PRKN: variants seen among roughly 807,000 people sequenced by gnomAD.
PRKN encodes parkin RBR E3 ubiquitin protein ligase, also known as E3 ubiquitin-protein ligase parkin.
In PRKN, 56 loss-of-function variants were observed where a neutral mutation model predicts 59.5. That is an observed-to-expected ratio of 0.94 (90% CI 0.76 to 1.18). The LOEUF is 1.18. Among genes scored for constraint, PRKN ranks in the 50% most tolerant of loss-of-function variants. The probability of loss-of-function intolerance (pLI) is 0.00; values close to 1 mark genes in which losing one functional copy is unlikely to be tolerated. For synonymous variants in PRKN, 250 were observed against 222.1 expected (o/e 1.13, Z -1.12); for missense variants, 657 against 596.4 (o/e 1.10, Z -1.06).
At chr6:162,101,267 T>C (rs1015448091) in intron 4 of PRKN, among the ~76,000 whole-genome samples, 1 of 151,628 alleles carries the variant, frequency 6.6e-6, no homozygotes, top group Non-Finnish European at 1.5e-5. Flanking sequence ...TGAGGTCAGA[T>C]AAGGGTCTCA....
At chr6:162,505,307 C>T (rs1793561934) in intron 1 of PRKN, among the ~76,000 whole-genome samples, 1 of 152,076 alleles carries the variant, frequency 6.6e-6, no homozygotes, top group Non-Finnish European at 1.5e-5. Context: ...ATCAACAGGA[C>T]AATGATTACA....
chr6:161,454,590 T>C lies in PRKN; in HGVS notation c.1084-67713A>G, dbSNP rs6927578. On this transcript the variant is annotated intron_variant, in intron 9 of 11. Coordinates refer to ENST00000366898, the MANE Select transcript of PRKN (RefSeq NM_004562.3). The surrounding 1 kb of genome is among the most constrained non-coding windows in gnomAD (Gnocchi z 4.6). ...TCTGGGGTTTTGAAACTGTTAGTTC[T>C]TGGAGCAAGCCCAAGTTTATTTTGG... Among the ~76,000 whole-genome samples, 23,017 of 152,120 alleles carry C rather than the reference T, an allele frequency of 0.15. 2,365 individuals are homozygous for C. The highest frequency in any genetic ancestry group is 0.28 in the African/African-American group (11,731 of 41,444).
chr6:161,887,536 T>C (rs2128231168), intron 6 of PRKN, among the ~76,000 whole-genome samples: 1 of 152,312 alleles, frequency 6.6e-6, no homozygotes, highest in East Asian at 1.9e-4. Context: ...TTTCAGCAAG[T>C]TAGTGAAACT....
chr6:161,784,815 C>T (rs1259059096), intron 7 of PRKN, among the ~76,000 whole-genome samples: 4 of 152,046 alleles, frequency 2.6e-5, no homozygotes, highest in Non-Finnish European at 5.9e-5. Context: ...TGAATGTTTA[C>T]AACGGCATTA....
chr6:161,965,018 C>G (rs972695041), intron 6 of PRKN, among the ~76,000 whole-genome samples: 3 of 152,036 alleles, frequency 2.0e-5, no homozygotes, highest in Admixed American at 6.5e-5. Flanking sequence ...GGAATTGTAA[C>G]TAAGATCTCC....
chr6:161,573,674 G>C (rs1350684062), intron 7 of PRKN, among the ~76,000 whole-genome samples: 45 of 135,010 alleles, frequency 3.3e-4, no homozygotes, highest in Admixed American at 1.0e-3. Flanking sequence ...GAGCCGAGAT[G>C]GCGCCACTGC....
At chr6:162,212,128 C>G (rs1298952396) in intron 3 of PRKN, among the ~76,000 whole-genome samples, 1 of 152,040 alleles carries the variant, frequency 6.6e-6, no homozygotes, top group Non-Finnish European at 1.5e-5. Flanking sequence ...CAAAAGGTTT[C>G]CAGGAATCCA....
At chr6:161,682,552 C>T (rs1381149692) in intron 7 of PRKN, among the ~76,000 whole-genome samples, 1 of 151,006 alleles carries the variant, frequency 6.6e-6, no homozygotes, top group Non-Finnish European at 1.5e-5. Context: ...GGAGGGGCTG[C>T]GGGGAGCAGG....
chr6:162,281,074 G>A (rs184634355), intron 2 of PRKN, among the ~76,000 whole-genome samples: 1 of 152,098 alleles, frequency 6.6e-6, no homozygotes, highest in South Asian at 2.1e-4. Flanking sequence ...ACTCAGCATA[G>A]TATTCCATGG....
Position 161,373,958 on chromosome 6 carries a change from C to G in PRKN, c.1167+12836G>C, listed in dbSNP as rs559049798. The stretch of plus-strand genomic sequence containing the variant: ...CCACTATGCAGGCGTGGCTGGGGTG[C>G]CTTTCAAAGTGGCGTTCACTCCCTT... On this transcript the variant is annotated intron_variant, in intron 10 of 11. Transcript: ENST00000366898. The surrounding 1 kb of genome is among the most constrained non-coding windows in gnomAD (Gnocchi z 4.8). Among the ~76,000 whole-genome samples, 39 of 152,228 alleles carry G rather than the reference C, an allele frequency of 2.6e-4. No individual in the cohort carries two copies. The South Asian group carries it at 8.1e-3, about 32-fold the overall frequency.
chr6:162,050,964 G>A (rs1302779611), intron 5 of PRKN, among the ~76,000 whole-genome samples: 2 of 152,120 alleles, frequency 1.3e-5, no homozygotes, highest in Admixed American at 1.3e-4. Flanking sequence ...TGGAGAAGCA[G>A]CAGCCATTAT....
At chr6:162,312,542 C>A (rs1188966605) in intron 2 of PRKN, among the ~76,000 whole-genome samples, 2 of 152,096 alleles carry the variant, frequency 1.3e-5, no homozygotes, top group East Asian at 1.9e-4. Context: ...CCTGTGTCTG[C>A]CAAGTTAATG....
At chr6:162,114,416 G>A (rs1167839559) in intron 4 of PRKN, among the ~76,000 whole-genome samples, 5 of 151,700 alleles carry the variant, frequency 3.3e-5, no homozygotes, top group South Asian at 4.2e-4. Flanking sequence ...AGTTCTCCTC[G>A]AAGAGGTCCT....
chr6:162,718,109 T>A (rs1001599333), intron 1 of PRKN, among the ~76,000 whole-genome samples: 1 of 152,186 alleles, frequency 6.6e-6, no homozygotes, highest in Non-Finnish European at 1.5e-5. Flanking sequence ...ATTAACACTT[T>A]TTAAAAAAGA....
chr6:162,079,299 A>G (rs1211117019), intron 4 of PRKN, among the ~76,000 whole-genome samples: 8 of 152,170 alleles, frequency 5.3e-5, no homozygotes, highest in Non-Finnish European at 1.5e-5. Flanking sequence ...TACAGACAGA[A>G]TAGGCAGATA....
intron 1 of PRKN, among the ~76,000 whole-genome samples, chr6:162,704,897 C>T (rs1778284362): frequency 6.6e-6 from 1 of 152,058 alleles, no homozygotes; most frequent in South Asian, 2.1e-4. Context: ...TTTTCTTAAT[C>T]AGTTTTAAAC....
At chr6:162,677,314 A>C (rs1015341271) in intron 1 of PRKN, among the ~76,000 whole-genome samples, 1 of 152,162 alleles carries the variant, frequency 6.6e-6, no homozygotes, top group Admixed American at 6.5e-5. Flanking sequence ...TTCAAGGACC[A>C]TAACAGCTGA....
At chr6:161,623,793 A>T (rs1394687262) in intron 7 of PRKN, among the ~76,000 whole-genome samples, 1 of 152,208 alleles carries the variant, frequency 6.6e-6, no homozygotes, top group Non-Finnish European at 1.5e-5. Flanking sequence ...CATAAGTAAA[A>T]CAGAAAACAT....
rs893795482 is a variant in PRKN, at chr6:161,385,687, G to A, written c.1167+1107C>T. Among the ~76,000 whole-genome samples the A allele has an allele frequency of 3.3e-5, 5 of 152,270 alleles. No individual in the cohort carries two copies. The highest frequency in any genetic ancestry group is 2.6e-4 in the Admixed American group (4 of 15,292). ...CTAACTCCGTTTCCCAGAGCCTCAG[G>A]TATACCCGCCTCCATTACAGCGGTC... On this transcript the variant is annotated intron_variant, in intron 10 of 11. Transcript: ENST00000366898. The surrounding 1 kb of genome is among the most constrained non-coding windows in gnomAD (Gnocchi z 4.9).
Sources: gnomAD v4.1 joint callset for allele counts (sites outside exome capture counted in the v4.1 genomes callset) on GRCh38, gnomAD v4.1.1 for gene constraint, Gnocchi (gnomAD v3.1) non-coding constraint, MANE v1.5 for transcripts, NCBI Gene and HGNC (gene_info 2026-07-23, HGNC 2026-07-21) for gene names.